CPPED1: variants seen among roughly 807,000 people sequenced by gnomAD.
CPPED1 encodes serine/threonine-protein phosphatase CPPED1.
Under a neutral mutation model 28.0 loss-of-function variants are expected in CPPED1, and 28 were observed. The observed-to-expected ratio is 1.00, with a 90% CI of 0.74 to 1.37. The LOEUF (loss-of-function observed/expected upper bound fraction) is 1.37. Ranked by LOEUF, CPPED1 falls within the 40% of genes most tolerant of loss-of-function variation. CPPED1 has a pLI of 0.00. For missense variants in CPPED1, 504 were observed against 416.5 expected (o/e 1.21, Z -1.83); for synonymous variants, 198 against 180.2 (o/e 1.10, Z -0.79).
rs1002772800 is a variant in CPPED1, at chr16:12,663,879, T to C, written c.*1007A>G. On this transcript the variant is annotated 3_prime_UTR_variant, in exon 4 of 4. Transcript: ENST00000381774. The stretch of plus-strand genomic sequence containing the variant: ...GTAAAACAGGTTACATAAAAAACAA[T>C]GCTGGTTTGAAATAACCTATGCGCT... 8.5e-5 allele frequency: 13 copies of C among 152,226 alleles called. No homozygotes were observed. The highest frequency in any genetic ancestry group is 3.1e-4 in the African/African-American group (13 of 41,460). 9.4% of individuals were successfully genotyped at this position (152,226 alleles called of 1,614,324 possible). A position where few individuals can be genotyped will look rare whatever the true frequency, so the allele number is the denominator to read the frequency against.
intron 2 of CPPED1, among the ~76,000 whole-genome samples, chr16:12,738,232 T>TA (rs1175529561): frequency 6.6e-6 from 1 of 152,074 alleles, no homozygotes; most frequent in Non-Finnish European, 1.5e-5. Context: ...GTTGATATTA[T>TA]ATGAAAAATT....
intron 2 of CPPED1, among the ~76,000 whole-genome samples, chr16:12,746,341 T>C (rs916279219): frequency 8.2e-6 from 1 of 121,784 alleles, no homozygotes; most frequent in South Asian, 2.6e-4. Flanking sequence ...ACCACTGCAC[T>C]CCCGCCTAGG....
At chr16:12,675,477 T>A (rs988610892) in intron 3 of CPPED1, among the ~76,000 whole-genome samples, 1 of 152,356 alleles carries the variant, frequency 6.6e-6, no homozygotes, top group South Asian at 2.1e-4. Flanking sequence ...TTTTAAGCTA[T>A]CTTGATTCAA....
At chr16:12,700,485 G>T (rs961779795) in intron 3 of CPPED1, among the ~76,000 whole-genome samples, 5 of 152,196 alleles carry the variant, frequency 3.3e-5, no homozygotes, top group Non-Finnish European at 7.3e-5. Context: ...CCACCTCCCA[G>T]GTACAAGCAA....
intron 3 of CPPED1, among the ~76,000 whole-genome samples, chr16:12,674,474 A>G (rs1445238149): frequency 3.3e-5 from 5 of 152,136 alleles, no homozygotes; most frequent in African/African-American, 1.2e-4. Flanking sequence ...AGCTCCAGGG[A>G]GGCCCGGAAG....
intron 2 of CPPED1, among the ~76,000 whole-genome samples, chr16:12,745,478 C>A (rs1261682586): frequency 6.6e-6 from 1 of 152,126 alleles, no homozygotes; most frequent in Non-Finnish European, 1.5e-5. Flanking sequence ...CACCATGGAA[C>A]ACTACACAGC....
At chr16:12,684,622 C>G (rs993627953) in intron 3 of CPPED1, among the ~76,000 whole-genome samples, 1 of 152,214 alleles carries the variant, frequency 6.6e-6, no homozygotes, top group Admixed American at 6.5e-5. Context: ...GAAAACATCC[C>G]TGGTGAAGGT....
Position 12,682,616 on chromosome 16 carries a change from C to T in CPPED1, c.716-17501G>A, listed in dbSNP as rs2079911449. ...TTTGGAAGGCAAGACTAGTATCAAC[C>T]ATCCCCAGGGCCACTGGGAAGATAA... On this transcript the variant is annotated intron_variant, in intron 3 of 3. Coordinates refer to ENST00000381774, the MANE Select transcript of CPPED1 (RefSeq NM_018340.3). This position sits in a 1 kb window ranked among gnomAD's most constrained non-coding sequence, Gnocchi z 6.1. Among the ~76,000 whole-genome samples, 1 of 152,148 alleles carries T rather than the reference C, an allele frequency of 6.6e-6. No homozygotes were observed. The highest frequency in any genetic ancestry group is 2.1e-4 in the South Asian group (1 of 4,826).
intron 3 of CPPED1, among the ~76,000 whole-genome samples, chr16:12,690,212 G>A (rs2079955155): frequency 1.3e-5 from 2 of 152,110 alleles, no homozygotes; most frequent in Admixed American, 1.3e-4. Context: ...CCTGTTTCAT[G>A]AAAGACACCA....
At chr16:12,799,840 G>T (rs139152184) in intron 1 of CPPED1, among the ~76,000 whole-genome samples, 26 of 152,304 alleles carry the variant, frequency 1.7e-4, no homozygotes, top group Non-Finnish European at 2.4e-4. Flanking sequence ...TGTGTCTATG[G>T]GACTGCATGG....
chr16:12,769,864 G>C (rs562748657), intron 2 of CPPED1, among the ~76,000 whole-genome samples: 1 of 152,170 alleles, frequency 6.6e-6, no homozygotes, highest in Non-Finnish European at 1.5e-5. Context: ...GTGTTAAACT[G>C]TAGGGTAAAT....
chr16:12,696,649 G>T (rs1567278887), intron 3 of CPPED1, among the ~76,000 whole-genome samples: 1 of 151,854 alleles, frequency 6.6e-6, no homozygotes, highest in Non-Finnish European at 1.5e-5. Flanking sequence ...CACCATGTTG[G>T]CCAGGCTGGT....
chr16:12,775,359 C>A (rs1401823465), intron 2 of CPPED1, among the ~76,000 whole-genome samples: 2 of 152,186 alleles, frequency 1.3e-5, no homozygotes, highest in African/African-American at 4.8e-5. Context: ...CAGACTAAGA[C>A]ACACATTTTC....
In CPPED1 at chr16:12,664,803, A is replaced by G; in HGVS notation, c.*83T>C. On this transcript the variant is annotated 3_prime_UTR_variant, in exon 4 of 4. Coordinates refer to ENST00000381774, the MANE Select transcript of CPPED1 (RefSeq NM_018340.3). The surrounding 1 kb of genome is among the most constrained non-coding windows in gnomAD (Gnocchi z 4.2). Reference sequence around the variant, plus strand: ...CCTGCCTGGGCTATTTTTATATTTCAGCAAGAGGTTGTGTGCAGCTGCTGT... The same window carrying G: ...CCTGCCTGGGCTATTTTTATATTTCGGCAAGAGGTTGTGTGCAGCTGCTGT... 6.4e-7 allele frequency: 1 copy of G among 1,572,302 alleles called. No individual in the cohort carries two copies. Among genetic ancestry groups the G allele is most frequent in the South Asian group, 1.2e-5 (1 of 83,738 alleles).
chr16:12,706,572 A>C (rs1479389207), intron 2 of CPPED1, among the ~76,000 whole-genome samples: 1 of 151,270 alleles, frequency 6.6e-6, no homozygotes, highest in Non-Finnish European at 1.5e-5. Context: ...AAAAAAAAAA[A>C]AAAACTCAAA....
intron 1 of CPPED1, among the ~76,000 whole-genome samples, chr16:12,791,596 A>C (rs1177104130): frequency 6.6e-6 from 1 of 152,048 alleles, no homozygotes; most frequent in Non-Finnish European, 1.5e-5. Flanking sequence ...CCCATCACCA[A>C]CTACTCTTGG....
intron 2 of CPPED1, among the ~76,000 whole-genome samples, chr16:12,705,273 C>G (rs1245861729): frequency 1.3e-5 from 2 of 152,248 alleles, no homozygotes; most frequent in Admixed American, 1.3e-4. Context: ...AATTCCATGA[C>G]TACATGGCCC....
chr16:12,800,799 T>C (rs1468474064), intron 1 of CPPED1, among the ~76,000 whole-genome samples: 1 of 152,118 alleles, frequency 6.6e-6, no homozygotes, highest in African/African-American at 2.4e-5. Flanking sequence ...CCTAGGACTC[T>C]CACACTTGCT....
intron 2 of CPPED1, among the ~76,000 whole-genome samples, chr16:12,779,742 G>A (rs1367954642): frequency 6.6e-6 from 1 of 152,072 alleles, no homozygotes; most frequent in East Asian, 1.9e-4. Flanking sequence ...GAGCCACCAT[G>A]AGGAGGAACT....
Sources: allele counts gnomAD v4.1 joint callset (sites outside exome capture counted in the v4.1 genomes callset), GRCh38; gene constraint gnomAD v4.1.1; non-coding constraint Gnocchi (gnomAD v3.1); transcripts MANE v1.5; gene names NCBI Gene and HGNC (gene_info 2026-07-23, HGNC 2026-07-21).